GBF1: variants seen among roughly 807,000 people sequenced by gnomAD.
GBF1 encodes golgi brefeldin A resistant guanine nucleotide exchange factor 1, also known as Golgi-specific brefeldin A-resistance guanine nucleotide exchange factor 1.
GBF1 carries 114 observed loss-of-function variants against 210.5 expected under a neutral mutation model. That is an observed-to-expected ratio of 0.54 (90% confidence interval 0.47 to 0.63). GBF1 has a LOEUF of 0.63. Ranked by LOEUF, GBF1 falls within the 30% of genes least tolerant of loss-of-function variation. The pLI, the probability that GBF1 is intolerant of heterozygous loss-of-function variation, is 0.00. For missense variants in GBF1, 1,851 were observed against 2,357.7 expected (o/e 0.79, Z 4.45); for synonymous variants, 850 against 889.2 (o/e 0.96, Z 0.78).
intron 3 of GBF1, among the ~76,000 whole-genome samples, chr10:102,271,859 C>T (rs1401902434): frequency 6.6e-6 from 1 of 151,998 alleles, no homozygotes; most frequent in Non-Finnish European, 1.5e-5. Context: ...TCAAGTGATC[C>T]TCCCACCTCA....
At chr10:102,379,220 G>C (rs968049784) in intron 33 of GBF1, 64 bp from the exon 34 acceptor site, 3 of 1,502,396 alleles carry the variant, frequency 2.0e-6, no homozygotes, top group Non-Finnish European at 1.8e-6. Context: ...CAGTGAGTGG[G>C]GAGGGGGAAA....
intron 3 of GBF1, among the ~76,000 whole-genome samples, chr10:102,280,131 AGAGAG>A (rs934400547): frequency 4.9e-5 from 7 of 141,486 alleles, no homozygotes; most frequent in African/African-American, 1.8e-4. Flanking sequence ...TTAAAAAAAA[AGAGAG>A]AGAGAGAGAG....
chr10:102,278,316 A>T (rs1057180161), intron 3 of GBF1, among the ~76,000 whole-genome samples: 7 of 151,712 alleles, frequency 4.6e-5, no homozygotes, highest in Admixed American at 1.3e-4. Flanking sequence ...CTGTAACTCC[A>T]TAACTGTTTA....
At chr10:102,335,015 C>T (rs903920482) in intron 3 of GBF1, among the ~76,000 whole-genome samples, 1 of 152,064 alleles carries the variant, frequency 6.6e-6, no homozygotes, top group Non-Finnish European at 1.5e-5. Context: ...CCTGCCCAGT[C>T]GTATTGAGTA....
At position 102,360,290 on chromosome 10, in the gene GBF1, C is replaced by T. The variant is rs748745461; in HGVS notation, c.1287C>T (p.His429=). ...HDRHNSEVMI[H]MGLHLLTVAL... Reference sequence around the variant, plus strand: ...GCCATAACTCAGAGGTTATGATTCACATGGGACTGCATTTGCTGACAGTGG... The same window carrying T: ...GCCATAACTCAGAGGTTATGATTCATATGGGACTGCATTTGCTGACAGTGG... Residue 429 remains histidine (H), a synonymous_variant, in exon 12 of 40, where the codon CAC becomes CAT. Coordinates refer to ENST00000369983, the MANE Select transcript of GBF1 (RefSeq NM_001377137.1). 4.3e-6 allele frequency: 7 copies of T among 1,613,540 alleles called. No homozygotes were observed. In the South Asian group the frequency reaches 7.7e-5, roughly 18 times the overall value.
chr10:102,339,267 G>T (rs2058003545), intron 3 of GBF1, among the ~76,000 whole-genome samples: 1 of 152,166 alleles, frequency 6.6e-6, no homozygotes, highest in South Asian at 2.1e-4. Flanking sequence ...GGAGGCTGAG[G>T]CATGAGAATC....
the GBF1 span, chr10:102,232,142 G>A: frequency 9.9e-7 from 1 of 1,012,250 alleles, no homozygotes. Context: ...AAAATCTCCG[G>A]CTTAGCTAGG....
intron 30 of GBF1, among the ~76,000 whole-genome samples, 173 bp downstream of exon 30, chr10:102,375,757 C>A (rs2060459009): frequency 6.6e-6 from 1 of 152,014 alleles, no homozygotes; most frequent in Non-Finnish European, 1.5e-5. Flanking sequence ...AGTTAAATAG[C>A]ATGAGGGCAA....
At chr10:102,369,171 A>G in intron 23 of GBF1, 40 bp from the exon 24 acceptor site, 1 of 1,474,120 alleles carries the variant, frequency 6.8e-7, no homozygotes, top group Non-Finnish European at 9.4e-7. Context: ...CTTTCCAGAC[A>G]TTAGCTCGGC....
chr10:102,236,836 A>AGAG, the GBF1 span, among the ~76,000 whole-genome samples: 2,132 of 152,224 alleles, frequency 0.014, 40 homozygotes, highest in African/African-American at 0.049. Context: ...GGCTAAATGG[A>AGAG]GAGATGAGAG....
At chr10:102,346,228 G>A (rs927174759) in intron 4 of GBF1, among the ~76,000 whole-genome samples, 15 of 152,076 alleles carry the variant, frequency 9.9e-5, no homozygotes, top group Middle Eastern at 3.4e-3. Flanking sequence ...TGATCCACCC[G>A]CCTCGGCTTC....
chr10:102,288,722 G>GAAAAA lies in GBF1; in HGVS notation c.163+28615_163+28619dup, dbSNP rs1348947076. ...GACAGAGCGAGACTCCGTCTCAAAGGAAAAAAAAAAAAACAAAAAAAAAAA... is the reference window on the plus strand; with the variant it reads ...GACAGAGCGAGACTCCGTCTCAAAGGAAAAAAAAAAAAAAAAAACAAAAAAAAAAA... On this transcript the variant is annotated intron_variant, in intron 3 of 39. Transcript: ENST00000369983. Among the ~76,000 whole-genome samples the GAAAAA allele has an allele frequency of 9.6e-5, 8 of 83,688 alleles. 1 individual carries two copies. Among genetic ancestry groups the GAAAAA allele is most frequent in the Non-Finnish European group, 1.5e-4 (7 of 45,494 alleles). 54.9% of individuals were successfully genotyped at this position (83,688 alleles called of 152,430 possible).
chr10:102,303,773 A>T (rs2077607635), intron 3 of GBF1, among the ~76,000 whole-genome samples: 1 of 152,340 alleles, frequency 6.6e-6, no homozygotes. Context: ...GTTTTATGAT[A>T]AATCTCAATA....
At chr10:102,332,621 T>A (rs2057419201) in intron 3 of GBF1, among the ~76,000 whole-genome samples, 1 of 152,130 alleles carries the variant, frequency 6.6e-6, no homozygotes, top group East Asian at 1.9e-4. Context: ...TGACCTCAAG[T>A]GATTCGCCCA....
intron 3 of GBF1, among the ~76,000 whole-genome samples, chr10:102,276,293 G>A (rs927713157): frequency 3.3e-5 from 5 of 151,960 alleles, no homozygotes; most frequent in African/African-American, 4.8e-5. Context: ...TTGGGAGGCC[G>A]AGGCAGGCGG....
chr10:102,352,017 G>GCCTC, intron 6 of GBF1, 66 bp downstream of exon 6: 1 of 887,782 alleles, frequency 1.1e-6, no homozygotes, highest in Non-Finnish European at 1.9e-6. Flanking sequence ...AATACAGGAG[G>GCCTC]CTGTCTTCCC....
upstream of GBF1, among the ~76,000 whole-genome samples, chr10:102,243,295 G>A (rs2133822204): frequency 6.6e-6 from 1 of 152,228 alleles, no homozygotes; most frequent in East Asian, 1.9e-4. Flanking sequence ...CATATTGAAG[G>A]GATCAGCTTA....
Position 102,382,183 on chromosome 10 carries a change from C to A in GBF1, c.5430C>A (p.Ile1810=). 6.2e-7 allele frequency: 1 copy of A among 1,614,058 alleles called. No homozygotes were observed. Among genetic ancestry groups the A allele is most frequent in the Non-Finnish European group, 8.5e-7 (1 of 1,179,946 alleles). ...CACCCTTGGCTCAGCCCCCACTGAT[C>A]CTGCAGCCCTTGGCCTCCCCACTGC... ...GPPPLAQPPL[I]LQPLASPLQV... is the part of the protein sequence containing the mutation. Residue 1810 remains isoleucine (I), a synonymous_variant, in exon 40 of 40, where the codon ATC becomes ATA. Coordinates refer to ENST00000369983, the MANE Select transcript of GBF1 (RefSeq NM_001377137.1).
chr10:102,333,341 C>G (rs978316372), intron 3 of GBF1, among the ~76,000 whole-genome samples: 5 of 152,228 alleles, frequency 3.3e-5, no homozygotes, highest in African/African-American at 1.2e-4. Context: ...AAATTCCCAC[C>G]TGTCCATTCA....
Sources: allele counts gnomAD v4.1 joint callset (sites outside exome capture counted in the v4.1 genomes callset), GRCh38; gene constraint gnomAD v4.1.1; transcripts MANE v1.5; gene names NCBI Gene and HGNC (gene_info 2026-07-23, HGNC 2026-07-21).